Variants in C9orf43 observed in about 807,000 individuals in gnomAD.
C9orf43 encodes the protein chromosome 9 open reading frame 43, also known as uncharacterized protein C9orf43.
C9orf43 carries 45 observed loss-of-function variants against 59.1 expected under a neutral mutation model. That is an observed-to-expected ratio of 0.76 (90% CI 0.60 to 0.98). The LOEUF (loss-of-function observed/expected upper bound fraction) is 0.98. Among genes scored for constraint, C9orf43 ranks in the 50% least tolerant of loss-of-function variants. C9orf43 has a pLI of 0.00. For synonymous variants in C9orf43, 203 were observed against 196.8 expected (o/e 1.03, Z -0.26); for missense variants, 533 against 554.9 (o/e 0.96, Z 0.40).
intron 6 of C9orf43, among the ~76,000 whole-genome samples, chr9:113,422,790 A>AAGAG (rs1396631580): frequency 6.6e-6 from 1 of 152,168 alleles, no homozygotes. Flanking sequence ...TAGGGAGATG[A>AAGAG]AGAGCACCTT....
intron 8 of C9orf43, among the ~76,000 whole-genome samples, 173 bp from the exon 9 acceptor site, chr9:113,424,846 A>G (rs1161331259): frequency 6.6e-6 from 1 of 152,072 alleles, no homozygotes; most frequent in Non-Finnish European, 1.5e-5. Flanking sequence ...TTTCTTCTGC[A>G]CTTTGTTCCC....
intron 12 of C9orf43, among the ~76,000 whole-genome samples, chr9:113,428,424 C>T (rs183609606): frequency 6.6e-6 from 1 of 152,280 alleles, no homozygotes; most frequent in Admixed American, 6.5e-5. Context: ...CTTCCTGAGG[C>T]CTCTGCATGT....
chr9:113,423,202 G>A (rs111571860), intron 6 of C9orf43, 124 bp from the exon 7 acceptor site: 12,483 of 858,090 alleles, frequency 0.015, 115 homozygotes, highest in Admixed American at 0.019. Flanking sequence ...GGCCCTCATC[G>A]TTCAGAGGAG....
At chr9:113,424,349 A>C in intron 8 of C9orf43, 33 bp downstream of exon 8, 1 of 1,569,220 alleles carries the variant, frequency 6.4e-7, no homozygotes. Flanking sequence ...GAAGAAGCCT[A>C]TGTGAAAATT....
At chr9:113,419,311 T>G in intron 4 of C9orf43, 146 bp downstream of exon 4, 3 of 616,630 alleles carry the variant, frequency 4.9e-6, no homozygotes, top group Non-Finnish European at 8.4e-6. Context: ...ATTGGGCCCT[T>G]CCTGTATGCT....
At chr9:113,419,223 A>T (rs1041412458) in intron 4 of C9orf43, 58 bp downstream of exon 4, 1 of 1,293,476 alleles carries the variant, frequency 7.7e-7, no homozygotes, top group Non-Finnish European at 1.1e-6. Flanking sequence ...AGTGGAAATA[A>T]ACTATTCTGC....
At position 113,425,195 on chromosome 9, in the gene C9orf43, T is replaced by C. The variant is rs1053566993; in HGVS notation, c.865+119T>C. 4.8e-6 allele frequency: 7 copies of C among 1,445,870 alleles called. No homozygotes were observed. The African/African-American group carries it at 5.6e-5, about 12-fold the overall frequency. 89.6% of individuals were successfully genotyped at this position (1,445,870 alleles called of 1,614,324 possible). On this transcript the variant is annotated intron_variant, in intron 9 of 13. Coordinates refer to ENST00000374165, the MANE Select transcript of C9orf43 (RefSeq NM_001278629.2). ...GGCCACAGTCATACAGGGTCACATG[T>C]AGAACTCAGGAAACAATAGTTTCAG... is the stretch of plus-strand genomic sequence containing the variant.
chr9:113,416,290 T>G (rs186864317), intron 3 of C9orf43, among the ~76,000 whole-genome samples: 114 of 152,348 alleles, frequency 7.5e-4, no homozygotes, highest in African/African-American at 2.6e-3. Context: ...TTATCAGAAC[T>G]TTGTTTACTA....
In C9orf43 at chr9:113,413,574, T is replaced by A; in HGVS notation, c.81T>A (p.Thr27=). ...AVCQHPQCWA[T]IRRIERGHPR... ...GTCAGCACCCACAATGCTGGGCAAC[T>A]ATCCGCCGCATTGAGAGGGGCCATC... Residue 27 remains threonine (T), a synonymous_variant, in exon 2 of 14, where the codon ACT becomes ACA. Transcript: ENST00000374165. The A allele has an allele frequency of 2.5e-6, 4 of 1,614,234 alleles. No individual in the cohort carries two copies. Among genetic ancestry groups the A allele is most frequent in the Non-Finnish European group, 3.4e-6 (4 of 1,180,036 alleles).
At chr9:113,420,784 G>A (rs1162245942) in intron 4 of C9orf43, 6 of 985,328 alleles carry the variant, frequency 6.1e-6, no homozygotes, top group Non-Finnish European at 7.2e-6. Context: ...GAGTGGAGTG[G>A]GCAGGATAAG....
intron 4 of C9orf43, chr9:113,420,607 T>A (rs1391047735): frequency 4.7e-6 from 1 of 212,602 alleles, no homozygotes. Flanking sequence ...AGCACTATGT[T>A]CTAGGATCCT....
rs1486591706 is a variant in C9orf43, at chr9:113,429,508, C to T, written c.*122C>T. On this transcript the variant is annotated 3_prime_UTR_variant, in exon 14 of 14. Transcript: ENST00000374165. The stretch of plus-strand genomic sequence containing the variant: ...GGGCAAGAGGAGAGGGGCTTCTGCT[C>T]TCTGGAGCCTTTACCAGGGCCTGAG... The T allele has an allele frequency of 4.0e-6, 3 of 755,040 alleles. No individual in the cohort carries two copies. The highest frequency in any genetic ancestry group is 4.3e-6 in the Non-Finnish European group (2 of 461,548). The allele number at this position is 755,040 out of a possible 1,614,324, so 46.8% of individuals were successfully genotyped here.
At chr9:113,426,987 C>T (rs1828815841) in intron 11 of C9orf43, among the ~76,000 whole-genome samples, 1 of 152,140 alleles carries the variant, frequency 6.6e-6, no homozygotes, top group Non-Finnish European at 1.5e-5. Flanking sequence ...AGGAGGATCA[C>T]AGCTGCTCAG....
chr9:113,424,226 G>C lies in C9orf43; in HGVS notation c.717G>C (p.Met239Ile). Reference sequence around the variant, plus strand: ...CAGAGATGAAGATAAAATTGGCCATGATGAAAAAGAATCTTCCCTTGGAAA... The same window carrying C: ...CAGAGATGAAGATAAAATTGGCCATCATGAAAAAGAATCTTCCCTTGGAAA... ...LCPEMKIKLA[M>I]MKKNLPLEKN... Residue 239 changes from methionine to isoleucine, a missense_variant, in exon 8 of 14, where the codon ATG becomes ATC. Coordinates refer to ENST00000374165, the MANE Select transcript of C9orf43 (RefSeq NM_001278629.2). 2 of 1,613,944 alleles carry C rather than the reference G, an allele frequency of 1.2e-6. No homozygotes were observed. The highest frequency in any genetic ancestry group is 8.5e-7 in the Non-Finnish European group (1 of 1,179,936).
At chr9:113,414,721 T>C (rs1484130937) in intron 3 of C9orf43, among the ~76,000 whole-genome samples, 1 of 152,138 alleles carries the variant, frequency 6.6e-6, no homozygotes, top group East Asian at 1.9e-4. Context: ...TAAAAAACCA[T>C]ATCTCCAAAT....
intron 8 of C9orf43, among the ~76,000 whole-genome samples, chr9:113,424,520 C>CT (rs567805386): frequency 0.044 from 6,073 of 139,550 alleles, 158 homozygotes; most frequent in South Asian, 0.1. Context: ...CTATTTCTTT[C>CT]TTTTTTTTTT....
At position 113,428,213 on chromosome 9, in the gene C9orf43, C is replaced by T. The variant is rs745717115; in HGVS notation, c.1097C>T (p.Thr366Ile). ...KQQQQMEKGTTSKQDSTERPK... is the reference protein window; with the variant it reads ...KQQQQMEKGTISKQDSTERPK... ...CAGCAGCAGATGGAAAAAGGAACCA[C>T]TTCGAAACAGGTGAGAGTGTACCAA... The change falls in exon 12 of 14, where the codon ACT becomes ATT. Residue 366 changes from threonine (T) to isoleucine (I), a missense_variant. Transcript: ENST00000374165. 1.9e-6 allele frequency: 3 copies of T among 1,614,190 alleles called. No individual in the cohort carries two copies. Among genetic ancestry groups the T allele is most frequent in the Non-Finnish European group, 1.7e-6 (2 of 1,180,000 alleles).
intron 6 of C9orf43, among the ~76,000 whole-genome samples, chr9:113,423,079 G>C (rs1345221479): frequency 6.6e-6 from 1 of 152,140 alleles, no homozygotes; most frequent in Non-Finnish European, 1.5e-5. Flanking sequence ...TTTTTGTTCA[G>C]TTTGTTGAGT....
chr9:113,428,326 C>A, intron 12 of C9orf43, 103 bp downstream of exon 12: 2 of 1,119,012 alleles, frequency 1.8e-6, no homozygotes, highest in Non-Finnish European at 2.7e-6. Flanking sequence ...GCTAATGATT[C>A]TGTGGGTTGA....
Sources: gnomAD v4.1 joint callset for allele counts (sites outside exome capture counted in the v4.1 genomes callset) on GRCh38, gnomAD v4.1.1 for gene constraint, MANE v1.5 for transcripts, NCBI Gene and HGNC (gene_info 2026-07-23, HGNC 2026-07-21) for gene names.